The following ORC4 variants were observed in gnomAD, a reference collection of about 807,000 sequenced individuals.
The protein encoded by ORC4 is origin recognition complex subunit 4, also known as origin recognition complex, subunit 4 homolog.
Under a neutral mutation model 63.9 loss-of-function variants are expected in ORC4, and 55 were observed. The observed-to-expected ratio is 0.86, with a 90% confidence interval of 0.69 to 1.08. ORC4 has a LOEUF of 1.08. Among genes scored for constraint, ORC4 ranks in the 50% least tolerant of loss-of-function variants. ORC4 has a pLI of 0.00. For synonymous variants in ORC4, 150 were observed against 168.5 expected, an observed-to-expected ratio of 0.89 and a Z score of 0.85; for missense variants, 511 against 504.4, an observed-to-expected ratio of 1.01 and a Z score of -0.13.
rs1687738122 is a variant in ORC4 at position 147,931,564 on chromosome 2, ACTGG to A, written c.*3942_*3945del. The A allele has an allele frequency of 6.6e-6, 1 of 152,214 alleles. No homozygotes were observed. Among genetic ancestry groups the A allele is most frequent in the Non-Finnish European group, 1.5e-5 (1 of 68,086 alleles). The allele number at this position is 152,214 out of a possible 1,614,324, so 9.4% of individuals were successfully genotyped here. On this transcript the variant is annotated 3_prime_UTR_variant, in exon 14 of 14. Coordinates refer to ENST00000392857, the MANE Select transcript of ORC4 (RefSeq NM_181741.4). ...GATTGCCATTCTAACTGGATAAAAT[ACTGG>A]CAAAACGAATCCAGCAGCACATCAA...
intron 1 of ORC4, among the ~76,000 whole-genome samples, chr2:147,998,503 A>G (rs62169532): frequency 0.13 from 20,200 of 152,138 alleles, 1,668 homozygotes; most frequent in Middle Eastern, 0.21. Flanking sequence ...GGTTGTTATA[A>G]GGCCACTATG....
intron 8 of ORC4, among the ~76,000 whole-genome samples, chr2:147,950,779 A>AG (rs1688916034): frequency 6.6e-6 from 1 of 150,882 alleles, no homozygotes; most frequent in South Asian, 2.1e-4. Context: ...AAAAAAAAAA[A>AG]GAAAAAGAAA....
rs997553507 is a variant in ORC4, at chr2:147,975,910, G to T, written c.49C>A (p.Leu17Ile). 3 of 1,560,596 alleles carry T rather than the reference G, an allele frequency of 1.9e-6. No homozygotes were observed. The highest frequency in any genetic ancestry group is 2.7e-6 in the Non-Finnish European group (3 of 1,131,722). ...TGAAAATACATACTAACCTGTGAAA[G>T]GCACTCTGTGTGAATTAAGCTGTTA... ...KSNSLIHTECLSQVQRILRER... is the reference protein window; with the variant it reads ...KSNSLIHTECISQVQRILRER... The change falls in exon 2 of 14, where the codon CTT (leucine) becomes ATT (isoleucine). Residue 17 changes from leucine to isoleucine, a missense_variant. Physicochemically the swap from Leu to Ile is conservative, Grantham distance 5. Coordinates refer to ENST00000392857, the MANE Select transcript of ORC4 (RefSeq NM_181741.4).
intron 4 of ORC4, among the ~76,000 whole-genome samples, chr2:147,965,954 C>G (rs903496160): frequency 6.6e-6 from 1 of 152,078 alleles, no homozygotes; most frequent in African/African-American, 2.4e-5. Context: ...ACCTGTAACC[C>G]CAACACTTTG....
At chr2:147,957,259 T>C (rs1314348784) in intron 6 of ORC4, among the ~76,000 whole-genome samples, 3 of 147,334 alleles carry the variant, frequency 2.0e-5, no homozygotes, top group East Asian at 1.9e-4. Flanking sequence ...TTTTATAGAG[T>C]ATATAATTAT....
rs113971257 is a variant in ORC4 at position 147,947,164 on chromosome 2, T to C, written c.762+887A>G. Among the ~76,000 whole-genome samples, 1,196 of 152,116 alleles carry C rather than the reference T, an allele frequency of 7.9e-3. 18 individuals are homozygous for C. Among genetic ancestry groups the C allele is most frequent in the African/African-American group, 0.027 (1,138 of 41,542 alleles). Reference sequence around the variant, plus strand: ...ATCCTTTTTATAGAGTCAGTGAATATAGACTGTGTAATTCTATTCAAAGAT... The same window carrying C: ...ATCCTTTTTATAGAGTCAGTGAATACAGACTGTGTAATTCTATTCAAAGAT... On this transcript the variant is annotated intron_variant, in intron 9 of 13. Transcript: ENST00000392857.
At position 147,961,391 on chromosome 2, in the gene ORC4, C is replaced by T. The variant is rs1024368691; in HGVS notation, c.226-2525G>A. On this transcript the variant is annotated intron_variant, in intron 4 of 13. Coordinates refer to ENST00000392857, the MANE Select transcript of ORC4 (RefSeq NM_181741.4). ...GGCAGAGGTTGCAGTGAGTCTAGAT[C>T]GTGCCACTGCACTCCAGCCTGGGCA... is the stretch of plus-strand genomic sequence containing the variant. 3.3e-5 allele frequency among the ~76,000 whole-genome samples: 5 copies of T among 149,616 alleles called. No individual in the cohort carries two copies. In the East Asian group the frequency reaches 5.9e-4, roughly 18 times the overall value.
rs544476699 is a variant in ORC4, at chr2:148,015,643, T to C, written c.-18+4990A>G. Among the ~76,000 whole-genome samples, 21 of 151,882 alleles carry C rather than the reference T, an allele frequency of 1.4e-4. No individual in the cohort carries two copies. In the South Asian group the frequency reaches 4.2e-3, roughly 30 times the overall value. ...ATACATTCTTAAATAAATGTGGTTA[T>C]GTTATATGTCATTTTAATGGGCATT... On this transcript the variant is annotated intron_variant, in intron 1 of 13. Coordinates refer to ENST00000392857, the MANE Select transcript of ORC4 (RefSeq NM_181741.4).
At chr2:147,947,287 A>G (rs930614795) in intron 9 of ORC4, among the ~76,000 whole-genome samples, 1 of 152,026 alleles carries the variant, frequency 6.6e-6, no homozygotes, top group African/African-American at 2.4e-5. Flanking sequence ...CACGAGGCCA[A>G]TATTTTTTGA....
At chr2:147,975,003 C>T (rs1284400573) in intron 2 of ORC4, among the ~76,000 whole-genome samples, 1 of 152,032 alleles carries the variant, frequency 6.6e-6, no homozygotes, top group South Asian at 2.1e-4. Flanking sequence ...GATTCGTGCA[C>T]TTTACATACA....
chr2:147,944,967 C>A (rs1688575070), intron 9 of ORC4, among the ~76,000 whole-genome samples: 1 of 151,722 alleles, frequency 6.6e-6, no homozygotes, highest in African/African-American at 2.4e-5. Context: ...CTTGGAAGTA[C>A]ACAGGGTGAA....
chr2:147,992,715 G>A (rs1691696684), intron 1 of ORC4, among the ~76,000 whole-genome samples: 2 of 152,084 alleles, frequency 1.3e-5, no homozygotes, highest in African/African-American at 2.4e-5. Context: ...TAGGGCTAAG[G>A]AAATGATACT....
rs1688787938 is a variant in ORC4, at chr2:147,948,702, C to A, written c.589-478G>T. ...TTTTTTATAGTAATGCTTTTAGACT[C>A]TATTTGTATTTGTGCTATTTTTCCT... On this transcript the variant is annotated intron_variant, in intron 8 of 13. Transcript: ENST00000392857. 2.0e-5 allele frequency among the ~76,000 whole-genome samples: 3 copies of A among 150,544 alleles called. No individual in the cohort carries two copies. In the South Asian group the frequency reaches 6.3e-4, roughly 31 times the overall value.
chr2:148,009,034 GT>G (rs1692792313), intron 1 of ORC4, among the ~76,000 whole-genome samples: 1 of 152,032 alleles, frequency 6.6e-6, no homozygotes, highest in Admixed American at 6.6e-5. Context: ...AAGTGTACAG[GT>G]TTTTAGTTTT....
At chr2:147,996,482 T>C (rs1245253863) in intron 1 of ORC4, among the ~76,000 whole-genome samples, 1 of 152,166 alleles carries the variant, frequency 6.6e-6, no homozygotes, top group Admixed American at 6.5e-5. Flanking sequence ...CAAATGGCAC[T>C]ACTAAGAAAA....
chr2:148,014,279 G>T (rs1693136760), intron 1 of ORC4, among the ~76,000 whole-genome samples: 1 of 152,188 alleles, frequency 6.6e-6, no homozygotes. Flanking sequence ...TATGTTCAGA[G>T]TTTAAGGACA....
chr2:147,961,985 A>G (rs777010591), intron 4 of ORC4, among the ~76,000 whole-genome samples: 6 of 152,150 alleles, frequency 3.9e-5, no homozygotes, highest in Non-Finnish European at 8.8e-5. Context: ...TCCCAACAAG[A>G]AAGGACCACA....
chr2:147,943,292 T>C, intron 10 of ORC4, 144 bp downstream of exon 10: 1 of 667,806 alleles, frequency 1.5e-6, no homozygotes, highest in Non-Finnish European at 2.7e-6. Flanking sequence ...GGTTGATGCT[T>C]GTAATGTCAG....
intron 2 of ORC4, 94 bp downstream of exon 2, chr2:147,975,808 T>G: frequency 1.2e-6 from 1 of 812,498 alleles, no homozygotes; most frequent in Non-Finnish European, 2.2e-6. Flanking sequence ...TCTTCCTAAA[T>G]GCTAAAGGGA....
Sources: allele counts gnomAD v4.1 joint callset (sites outside exome capture counted in the v4.1 genomes callset), GRCh38; gene constraint gnomAD v4.1.1; transcripts MANE v1.5; gene names NCBI Gene and HGNC (gene_info 2026-07-23, HGNC 2026-07-21).